Variants in DPP10 observed in about 807,000 individuals in gnomAD.
DPP10 encodes the protein dipeptidyl peptidase like 10.
Under a neutral mutation model 120.9 loss-of-function variants are expected in DPP10, and 33 were observed. That is an observed-to-expected ratio of 0.27 (90% CI 0.21 to 0.37). The LOEUF (loss-of-function observed/expected upper bound fraction) is 0.37. DPP10 is among the 10% of genes least tolerant of loss of function. The probability of loss-of-function intolerance (pLI) is 1.00; values close to 1 mark genes in which losing one functional copy is unlikely to be tolerated. For missense variants in DPP10, 816 were observed against 942.8 expected (o/e 0.87, Z 1.76); for synonymous variants, 337 against 326.1 (o/e 1.03, Z -0.36).
intron 1 of DPP10, among the ~76,000 whole-genome samples, chr2:115,242,856 T>A (rs990588186): frequency 1.3e-5 from 2 of 152,156 alleles, no homozygotes; most frequent in Admixed American, 6.5e-5. Flanking sequence ...TTTTAAATAG[T>A]TTAAAAACAT....
chr2:115,308,946 A>G (rs774117451), intron 1 of DPP10, among the ~76,000 whole-genome samples: 7 of 152,044 alleles, frequency 4.6e-5, no homozygotes, highest in Non-Finnish European at 1.0e-4. Context: ...TATTTTGCAG[A>G]GTATTTTGGC....
intron 5 of DPP10, among the ~76,000 whole-genome samples, chr2:115,656,459 T>G (rs891576872): frequency 4.6e-5 from 7 of 151,600 alleles, no homozygotes; most frequent in African/African-American, 1.7e-4. Flanking sequence ...TTCTGAAGAT[T>G]TGTACAAACC....
chr2:115,635,331 G>A (rs2149331639), intron 5 of DPP10, among the ~76,000 whole-genome samples: 1 of 152,244 alleles, frequency 6.6e-6, no homozygotes, highest in Admixed American at 6.5e-5. Flanking sequence ...GGTGGCGTGG[G>A]CTGACAAGGG....
At chr2:115,329,320 A>T (rs1344173900) in intron 2 of DPP10, among the ~76,000 whole-genome samples, 1 of 152,080 alleles carries the variant, frequency 6.6e-6, no homozygotes, top group African/African-American at 2.4e-5. Context: ...ATATACTCAG[A>T]TAGGAAAGAA....
At chr2:115,383,209 G>T (rs890095467) in intron 3 of DPP10, among the ~76,000 whole-genome samples, 2 of 152,170 alleles carry the variant, frequency 1.3e-5, no homozygotes, top group South Asian at 4.1e-4. Context: ...GTGTGTTGTG[G>T]GAGGTTCCTG....
intron 3 of DPP10, among the ~76,000 whole-genome samples, chr2:115,471,957 AT>A (rs925312745): frequency 6.6e-6 from 1 of 151,806 alleles, no homozygotes; most frequent in Non-Finnish European, 1.5e-5. Flanking sequence ...CATTACTTAT[AT>A]TTTTCCCTAT....
At chr2:115,474,706 T>G (rs2074958407) in intron 3 of DPP10, among the ~76,000 whole-genome samples, 1 of 142,382 alleles carries the variant, frequency 7.0e-6, no homozygotes, top group African/African-American at 2.6e-5. Context: ...GATTGGACAA[T>G]CTGCACCCTG....
chr2:115,762,189 G>T (rs1265292561), intron 11 of DPP10, among the ~76,000 whole-genome samples: 1 of 152,136 alleles, frequency 6.6e-6, no homozygotes, highest in African/African-American at 2.4e-5. Context: ...ATTCCTGGCT[G>T]TTTGCCCAGT....
intron 8 of DPP10, among the ~76,000 whole-genome samples, chr2:115,734,582 G>A (rs2092988236): frequency 6.8e-6 from 1 of 147,068 alleles, no homozygotes; most frequent in Admixed American, 7.0e-5. Context: ...CTTGAACCCT[G>A]GAGGCAGAGG....
intron 1 of DPP10, among the ~76,000 whole-genome samples, chr2:115,071,776 A>G (rs982370300): frequency 1.3e-5 from 2 of 152,144 alleles, no homozygotes; most frequent in Non-Finnish European, 1.5e-5. Flanking sequence ...AGCGATGTTC[A>G]CAATGCCTGA....
chr2:115,139,443 A>G (rs1489212741), intron 1 of DPP10, among the ~76,000 whole-genome samples: 2 of 152,094 alleles, frequency 1.3e-5, no homozygotes, highest in Admixed American at 6.6e-5. Context: ...ACACATACGA[A>G]AAACTTTACA....
chr2:114,706,507 A>G (rs1700694904), intron 1 of DPP10, among the ~76,000 whole-genome samples: 1 of 152,170 alleles, frequency 6.6e-6, no homozygotes, highest in Admixed American at 6.5e-5. Flanking sequence ...TTTGACTTGC[A>G]GACACATCCC....
At chr2:115,687,895 A>G (rs895985599) in intron 5 of DPP10, among the ~76,000 whole-genome samples, 1 of 151,980 alleles carries the variant, frequency 6.6e-6, no homozygotes, top group African/African-American at 2.4e-5. Flanking sequence ...AAAGCCAGGT[A>G]CAGTGTGGTA....
chr2:115,343,350 C>T (rs2063542980), intron 2 of DPP10, among the ~76,000 whole-genome samples: 1 of 151,964 alleles, frequency 6.6e-6, no homozygotes, highest in Admixed American at 6.6e-5. Context: ...ACTCTATTTC[C>T]TTGGTAAACT....
chr2:115,102,693 G>A (rs1224873152), intron 1 of DPP10, among the ~76,000 whole-genome samples: 1 of 151,722 alleles, frequency 6.6e-6, no homozygotes, highest in Non-Finnish European at 1.5e-5. Flanking sequence ...AGAGGCGTGA[G>A]CCACCACGCC....
intron 1 of DPP10, among the ~76,000 whole-genome samples, chr2:115,127,583 C>T (rs189212042): frequency 6.6e-6 from 1 of 152,112 alleles, no homozygotes; most frequent in Admixed American, 6.5e-5. Flanking sequence ...AAAATGGACC[C>T]GAATAGCTGT....
At chr2:114,653,031 T>A (rs199549568) in intron 1 of DPP10, among the ~76,000 whole-genome samples, 6 of 144,868 alleles carry the variant, frequency 4.1e-5, no homozygotes, top group South Asian at 2.1e-4. Context: ...AGAGAGAGTG[T>A]GTGTGTGTGT....
intron 1 of DPP10, among the ~76,000 whole-genome samples, chr2:114,744,752 T>G (rs926389325): frequency 5.9e-5 from 9 of 152,142 alleles, no homozygotes; most frequent in African/African-American, 1.9e-4. Context: ...AGTGACCATA[T>G]GGCCACAATG....
rs549974311 is a variant in DPP10 at position 115,662,185 on chromosome 2, A to G, written c.442-27502A>G. Among the ~76,000 whole-genome samples the G allele has an allele frequency of 2.1e-4, 32 of 152,282 alleles. No homozygotes were observed. The South Asian group carries it at 6.6e-3, about 32-fold the overall frequency. ...CTTCAGGTTTATCCATTTTGTTGCA[A>G]ATGAAATTATGTTCTTCTTTTTTAA... On this transcript the variant is annotated intron_variant, in intron 5 of 25. Coordinates refer to ENST00000410059, the MANE Select transcript of DPP10 (RefSeq NM_020868.6).
Sources: gnomAD v4.1 joint callset for allele counts (sites outside exome capture counted in the v4.1 genomes callset) on GRCh38, gnomAD v4.1.1 for gene constraint, MANE v1.5 for transcripts, NCBI Gene and HGNC (gene_info 2026-07-23, HGNC 2026-07-21) for gene names.